Variants in ACTN2 observed in about 807,000 individuals in gnomAD.
ACTN2 encodes the protein actinin alpha 2, also known as alpha-actinin-2.
Under a neutral mutation model 113.8 loss-of-function variants are expected in ACTN2, and 39 were observed. That is an observed-to-expected ratio of 0.34 (90% confidence interval 0.27 to 0.45). ACTN2 has a LOEUF of 0.45. Among genes scored for constraint, ACTN2 ranks in the 20% least tolerant of loss-of-function variants. ACTN2 has a pLI of 1.00. For missense variants in ACTN2, 992 were observed against 1,177.9 expected (o/e 0.84, Z 2.31); for synonymous variants, 429 against 444.1 (o/e 0.97, Z 0.43).
chr1:236,761,477 C>T (rs999833778), intron 20 of ACTN2, among the ~76,000 whole-genome samples: 7 of 151,664 alleles, frequency 4.6e-5, no homozygotes, highest in African/African-American at 1.5e-4. Flanking sequence ...GCTACTGGTT[C>T]GACCCCTGTT....
chr1:236,692,547 G>A (rs113115310), intron 1 of ACTN2, among the ~76,000 whole-genome samples: 2,059 of 152,278 alleles, frequency 0.014, 86 homozygotes, highest in Admixed American at 0.083. Flanking sequence ...TTCTTAATGG[G>A]CAGAAGTGTC....
chr1:236,742,626 C>T (rs1659106761), intron 10 of ACTN2, among the ~76,000 whole-genome samples: 1 of 152,164 alleles, frequency 6.6e-6, no homozygotes, highest in South Asian at 2.1e-4. Context: ...AAATTGTCAG[C>T]CCTCTACATC....
rs1248687374 is a variant in ACTN2 at position 236,751,529 on chromosome 1, G to T, written c.1716G>T (p.Arg572=). Residue 572 remains arginine (R), a synonymous_variant, in exon 15 of 21, where the codon CGG becomes CGT. Coordinates refer to ENST00000366578, the MANE Select transcript of ACTN2 (RefSeq NM_001103.4). ...CGCTGCCCGAGGCGGACGGAGAGCGGCAGTCCATCATGGCCATCCAGAACG... is the reference window on the plus strand; with the variant it reads ...CGCTGCCCGAGGCGGACGGAGAGCGTCAGTCCATCATGGCCATCCAGAACG... The part of the protein sequence containing the change: ...KATLPEADGE[R]QSIMAIQNEV... 1 of 1,614,010 alleles carries T rather than the reference G, an allele frequency of 6.2e-7. No individual in the cohort carries two copies. The highest frequency in any genetic ancestry group is 8.5e-7 in the Non-Finnish European group (1 of 1,180,032).
At chr1:236,687,372 G>C (rs1449688105) in intron 1 of ACTN2, among the ~76,000 whole-genome samples, 1 of 152,152 alleles carries the variant, frequency 6.6e-6, no homozygotes, top group Non-Finnish European at 1.5e-5. Context: ...ACACAGGGAC[G>C]AAGGAGTCAG....
intron 1 of ACTN2, among the ~76,000 whole-genome samples, chr1:236,709,531 T>C (rs895820977): frequency 3.2e-4 from 49 of 151,646 alleles, no homozygotes; most frequent in African/African-American, 1.2e-3. Context: ...CCACTGCCGC[T>C]GTAGCTGGGG....
At chr1:236,708,903 A>AT (rs1657914553) in intron 1 of ACTN2, among the ~76,000 whole-genome samples, 3 of 152,106 alleles carry the variant, frequency 2.0e-5, no homozygotes, top group South Asian at 2.1e-4. Flanking sequence ...TTAGTCAGTG[A>AT]TTTTTACGAC....
intron 1 of ACTN2, among the ~76,000 whole-genome samples, chr1:236,696,103 T>C (rs564827286): frequency 6.6e-6 from 1 of 152,088 alleles, no homozygotes; most frequent in East Asian, 1.9e-4. Flanking sequence ...GGTCAGGAGT[T>C]CGAGACCAGC....
intron 10 of ACTN2, among the ~76,000 whole-genome samples, chr1:236,740,028 C>T (rs1029865330): frequency 6.6e-6 from 1 of 152,200 alleles, no homozygotes; most frequent in Admixed American, 6.5e-5. Flanking sequence ...ACATCTCCCA[C>T]GAGCAACTTC....
At chr1:236,715,466 A>C (rs1158420064) in intron 1 of ACTN2, among the ~76,000 whole-genome samples, 2 of 152,160 alleles carry the variant, frequency 1.3e-5, no homozygotes, top group African/African-American at 4.8e-5. Flanking sequence ...AGTGTTGTCC[A>C]GTAGAATTTT....
rs115072604 is a variant in ACTN2 at position 236,711,165 on chromosome 1, G to A, written c.127-6693G>A. 3.7e-3 allele frequency among the ~76,000 whole-genome samples: 559 copies of A among 152,232 alleles called. 4 individuals are homozygous for A. Among genetic ancestry groups the A allele is most frequent in the African/African-American group, 0.013 (534 of 41,562 alleles). On this transcript the variant is annotated intron_variant, in intron 1 of 20. Transcript: ENST00000366578. ...CCCACTGACTGCCCACCCTGGCCAG[G>A]GACTCACTGGTTGCAATTCTTTATG...
chr1:236,726,135 C>T (rs1658543653), intron 5 of ACTN2, 115 bp downstream of exon 5: 13 of 906,006 alleles, frequency 1.4e-5, no homozygotes, highest in Middle Eastern at 2.2e-4. Flanking sequence ...TTTTATGTAT[C>T]GAGGAGAACT....
chr1:236,692,522 G>A (rs1018561019), intron 1 of ACTN2, among the ~76,000 whole-genome samples: 1 of 152,204 alleles, frequency 6.6e-6, no homozygotes, highest in Non-Finnish European at 1.5e-5. Context: ...GATAGTCTTT[G>A]AGAGCCAGAG....
chr1:236,689,325 A>C (rs1481462824), intron 1 of ACTN2, among the ~76,000 whole-genome samples: 1 of 38,626 alleles, frequency 2.6e-5, no homozygotes, highest in African/African-American at 4.6e-5. Flanking sequence ...ATATATATAT[A>C]TATATATATA....
At chr1:236,729,518 G>T (rs938506611) in intron 6 of ACTN2, among the ~76,000 whole-genome samples, 2 of 152,134 alleles carry the variant, frequency 1.3e-5, no homozygotes, top group African/African-American at 4.8e-5. Context: ...CACTCGTGTG[G>T]CATGGATGGT....
Position 236,732,649 on chromosome 1 carries a change from G to T in ACTN2, c.697+1335G>T, listed in dbSNP as rs995929325. On this transcript the variant is annotated intron_variant, in intron 7 of 20. Coordinates refer to ENST00000366578, the MANE Select transcript of ACTN2 (RefSeq NM_001103.4). ...GTAGAGACAGGGTTTCACCATGTTG[G>T]CCAGGCTGGTCTCAAACTCCTGACC... 5.3e-5 allele frequency among the ~76,000 whole-genome samples: 8 copies of T among 151,978 alleles called. No individual in the cohort carries two copies. In the South Asian group the frequency reaches 1.7e-3, roughly 32 times the overall value.
At chr1:236,711,946 T>C (rs950377940) in intron 1 of ACTN2, among the ~76,000 whole-genome samples, 7 of 152,234 alleles carry the variant, frequency 4.6e-5, no homozygotes, top group Non-Finnish European at 7.3e-5. Context: ...CTGTGGTCTG[T>C]ATCTGATTCA....
chr1:236,752,117 C>T (rs1315919340), intron 15 of ACTN2, among the ~76,000 whole-genome samples: 1 of 152,178 alleles, frequency 6.6e-6, no homozygotes, highest in Non-Finnish European at 1.5e-5. Flanking sequence ...TACTAACTTG[C>T]AGCCTTTTAA....
At position 236,754,150 on chromosome 1, in the gene ACTN2, A is replaced by G. The variant is rs1260037189; in HGVS notation, c.1974+69A>G. ...AAGTCCCTTTAGCCACGCAGCAGTGACACCGCACATGCTGTGGTTTCCAGC... is the reference window on the plus strand; with the variant it reads ...AAGTCCCTTTAGCCACGCAGCAGTGGCACCGCACATGCTGTGGTTTCCAGC... On this transcript the variant is annotated intron_variant, in intron 16 of 20. Transcript: ENST00000366578. The surrounding 1 kb of genome is among the most constrained non-coding windows in gnomAD (Gnocchi z 4.9). 5 of 1,590,468 alleles carry G rather than the reference A, an allele frequency of 3.1e-6. No homozygotes were observed. In the African/African-American group the frequency reaches 6.7e-5, roughly 21 times the overall value.
intron 10 of ACTN2, 46 bp downstream of exon 10, chr1:236,739,578 C>T: frequency 6.3e-7 from 1 of 1,599,958 alleles, no homozygotes; most frequent in East Asian, 2.3e-5. Context: ...GGAAGCCCTC[C>T]TTCTAGCCTA....
Sources: gnomAD v4.1 joint callset for allele counts (sites outside exome capture counted in the v4.1 genomes callset) on GRCh38, gnomAD v4.1.1 for gene constraint, Gnocchi (gnomAD v3.1) non-coding constraint, MANE v1.5 for transcripts, NCBI Gene and HGNC (gene_info 2026-07-23, HGNC 2026-07-21) for gene names.